The following VIPR2 variants were observed in gnomAD, a reference collection of about 807,000 sequenced individuals.
VIPR2 encodes the protein vasoactive intestinal peptide receptor 2, also known as vasoactive intestinal polypeptide receptor 2.
Under a neutral mutation model 58.0 loss-of-function variants are expected in VIPR2, and 48 were observed. The ratio of observed to expected loss-of-function variants is 0.83; its 90% CI spans 0.66 to 1.05. The LOEUF (loss-of-function observed/expected upper bound fraction) is 1.05. Among genes scored for constraint, VIPR2 ranks in the 50% least tolerant of loss-of-function variants. The pLI, the probability that VIPR2 is intolerant of heterozygous loss-of-function variation, is 0.00. For synonymous variants in VIPR2, 243 were observed against 235.2 expected, an observed-to-expected ratio of 1.03 and a Z score of -0.30; for missense variants, 534 against 558.0, an observed-to-expected ratio of 0.96 and a Z score of 0.43.
intron 2 of VIPR2, among the ~76,000 whole-genome samples, chr7:159,113,343 C>A (rs139629512): frequency 1.4e-4 from 22 of 152,216 alleles, no homozygotes; most frequent in African/African-American, 4.8e-4. Flanking sequence ...TCACATACCC[C>A]CTGGCTTGCT....
At chr7:159,132,032 T>C (rs975414674) in intron 2 of VIPR2, among the ~76,000 whole-genome samples, 11 of 152,156 alleles carry the variant, frequency 7.2e-5, no homozygotes, top group Non-Finnish European at 1.2e-4. Context: ...GCCAACATTC[T>C]TTGCTTTACT....
chr7:159,112,640 G>A (rs1796063767), intron 2 of VIPR2, among the ~76,000 whole-genome samples: 1 of 152,228 alleles, frequency 6.6e-6, no homozygotes, highest in Admixed American at 6.5e-5. Flanking sequence ...GCAGGGAACC[G>A]ACGGGACCCG....
In VIPR2 at chr7:159,132,724, T is replaced by A. The variant is rs1337380836; in HGVS notation, c.151+9722A>T. On this transcript the variant is annotated intron_variant, in intron 2 of 12. Coordinates refer to ENST00000262178, the MANE Select transcript of VIPR2 (RefSeq NM_003382.5). ...TCAAGAACAAGGAATCGTGAGTATC[T>A]GCAAACCACGCAATATATTTTTTGA... is the stretch of plus-strand genomic sequence containing the variant. Among the ~76,000 whole-genome samples the A allele has an allele frequency of 3.3e-5, 5 of 152,242 alleles. No individual in the cohort carries two copies. The East Asian group carries it at 9.7e-4, about 30-fold the overall frequency.
intron 4 of VIPR2, among the ~76,000 whole-genome samples, chr7:159,091,247 C>G (rs530315684): frequency 2.0e-5 from 3 of 152,370 alleles, no homozygotes; most frequent in East Asian, 3.9e-4. Context: ...GCGCATGAAG[C>G]AGAAGATAAG....
chr7:159,112,496 G>A (rs552278726), intron 2 of VIPR2, among the ~76,000 whole-genome samples: 2 of 152,368 alleles, frequency 1.3e-5, no homozygotes, highest in Admixed American at 6.5e-5. Context: ...CCAAAAATTT[G>A]AAAGGGCAGC....
Position 159,093,829 on chromosome 7 carries a change from T to G in VIPR2, c.357+9928A>C, listed in dbSNP as rs115428769. ...CCTGCAGCGTCCCTGGGTCCGGACATGGGAGAGGCCCCGCAGTGTCCCTGA... is the reference window on the plus strand; with the variant it reads ...CCTGCAGCGTCCCTGGGTCCGGACAGGGGAGAGGCCCCGCAGTGTCCCTGA... On this transcript the variant is annotated intron_variant, in intron 4 of 12. Transcript: ENST00000262178. This position sits in a 1 kb window ranked among gnomAD's most constrained non-coding sequence, Gnocchi z 6.7. 2.0e-5 allele frequency among the ~76,000 whole-genome samples: 3 copies of G among 150,566 alleles called. No homozygotes were observed. Among genetic ancestry groups the G allele is most frequent in the Non-Finnish European group, 2.9e-5 (2 of 67,952 alleles).
intron 4 of VIPR2, among the ~76,000 whole-genome samples, 172 bp from the exon 5 acceptor site, chr7:159,058,750 C>T (rs1224546200): frequency 6.6e-5 from 10 of 152,234 alleles, no homozygotes; most frequent in South Asian, 2.1e-4. Flanking sequence ...CAAAAAATGA[C>T]ACCCACAATT....
At chr7:159,077,977 GC>G (rs1856727757) in intron 4 of VIPR2, among the ~76,000 whole-genome samples, 1 of 152,150 alleles carries the variant, frequency 6.6e-6, no homozygotes, top group South Asian at 2.1e-4. Flanking sequence ...AAATAAAACT[GC>G]CCTTTCCCTC....
intron 2 of VIPR2, among the ~76,000 whole-genome samples, chr7:159,115,040 T>G (rs1327309439): frequency 1.3e-5 from 2 of 152,186 alleles, no homozygotes; most frequent in African/African-American, 4.8e-5. Context: ...GAAAAAACCC[T>G]AGAACTGTAC....
At chr7:159,136,860 C>T (rs1009798571) in intron 2 of VIPR2, among the ~76,000 whole-genome samples, 5 of 152,152 alleles carry the variant, frequency 3.3e-5, no homozygotes, top group Admixed American at 2.0e-4. Flanking sequence ...AGCCGCCACT[C>T]GTCACCAACC....
chr7:159,054,526 G>C (rs56703912), intron 5 of VIPR2, among the ~76,000 whole-genome samples: 1 of 152,222 alleles, frequency 6.6e-6, no homozygotes, highest in East Asian at 1.9e-4. Context: ...TTTTGAAATG[G>C]CACTTCAAAA....
chr7:159,115,140 C>T (rs1796189652), intron 2 of VIPR2, among the ~76,000 whole-genome samples: 1 of 152,250 alleles, frequency 6.6e-6, no homozygotes, highest in African/African-American at 2.4e-5. Context: ...TCCTCAGTTG[C>T]AGCCGCCGCA....
At chr7:159,035,812 G>A in intron 8 of VIPR2, 140 bp downstream of exon 8, 1 of 1,436,830 alleles carries the variant, frequency 7.0e-7, no homozygotes, top group Non-Finnish European at 9.2e-7. Flanking sequence ...GAATCGCCCA[G>A]ATGCTTCCTG....
intron 4 of VIPR2, among the ~76,000 whole-genome samples, chr7:159,063,227 C>T (rs551387971): frequency 4.0e-5 from 6 of 151,848 alleles, no homozygotes; most frequent in African/African-American, 1.2e-4. Flanking sequence ...CAGGAGTCCA[C>T]GGCGGGGTGG....
chr7:159,142,413 C>T lies in VIPR2; in HGVS notation c.151+33G>A, dbSNP rs371916135. ...GGCGCATTCCCGGGTGAGAATGTCA[C>T]GGGAGTTCTTACTCACCAAGCCTCT... On this transcript the variant is annotated intron_variant, in intron 2 of 12. Coordinates refer to ENST00000262178, the MANE Select transcript of VIPR2 (RefSeq NM_003382.5). The T allele has an allele frequency of 2.7e-5, 41 of 1,529,944 alleles. 1 individual carries two copies. The highest frequency in any genetic ancestry group is 2.1e-4 in the African/African-American group (15 of 72,986). 94.8% of individuals were successfully genotyped at this position (1,529,944 alleles called of 1,614,324 possible). A position where few individuals can be genotyped will look rare whatever the true frequency, so the allele number is the denominator to read the frequency against.
chr7:159,092,343 C>T (rs1194221274), intron 4 of VIPR2, among the ~76,000 whole-genome samples: 3 of 152,148 alleles, frequency 2.0e-5, no homozygotes, highest in Non-Finnish European at 1.5e-5. Flanking sequence ...GGCCCAGCCA[C>T]CATGTTCTAA....
At chr7:159,035,791 T>C in intron 8 of VIPR2, 161 bp downstream of exon 8, 5 of 985,382 alleles carry the variant, frequency 5.1e-6, no homozygotes, top group Non-Finnish European at 6.0e-6. Context: ...CCTCACAGGA[T>C]TTCTCCCCAT....
intron 3 of VIPR2, among the ~76,000 whole-genome samples, chr7:159,105,692 T>C (rs528523526): frequency 1.3e-5 from 2 of 152,158 alleles, no homozygotes; most frequent in South Asian, 4.2e-4. Context: ...CAGCAGGGTC[T>C]GGGGGCCTCT....
chr7:159,131,812 A>G (rs1257768483), intron 2 of VIPR2, among the ~76,000 whole-genome samples: 1 of 152,244 alleles, frequency 6.6e-6, no homozygotes, highest in Non-Finnish European at 1.5e-5. Context: ...GAGCAGACAC[A>G]ACCAGTCAGG....
Sources: allele counts gnomAD v4.1 joint callset (sites outside exome capture counted in the v4.1 genomes callset), GRCh38; gene constraint gnomAD v4.1.1; non-coding constraint Gnocchi (gnomAD v3.1); transcripts MANE v1.5; gene names NCBI Gene and HGNC (gene_info 2026-07-23, HGNC 2026-07-21).